The following MRPS9 variants were observed in gnomAD, a reference collection of about 807,000 sequenced individuals.
The protein encoded by MRPS9 is mitochondrial ribosomal protein S9.
Under a neutral mutation model 59.9 loss-of-function variants are expected in MRPS9, and 45 were observed. The ratio of observed to expected loss-of-function variants is 0.75; its 90% CI spans 0.59 to 0.96. The LOEUF (loss-of-function observed/expected upper bound fraction) is 0.96. MRPS9 is among the 40% of genes least tolerant of loss of function. The pLI is 0.00. For synonymous variants in MRPS9, 171 were observed against 166.8 expected (o/e 1.03, Z -0.19); for missense variants, 473 against 481.1 (o/e 0.98, Z 0.16).
intron 1 of MRPS9, among the ~76,000 whole-genome samples, chr2:105,044,445 G>C (rs1315160350): frequency 6.6e-6 from 1 of 152,124 alleles, no homozygotes; most frequent in Non-Finnish European, 1.5e-5. Flanking sequence ...TCCTGCTACT[G>C]ATGCTGTGAT....
intron 2 of MRPS9, among the ~76,000 whole-genome samples, chr2:105,061,939 T>C (rs1406468287): frequency 6.6e-6 from 1 of 152,140 alleles, no homozygotes; most frequent in Non-Finnish European, 1.5e-5. Context: ...TTGTCACAAC[T>C]TGATATTTAT....
intron 1 of MRPS9, among the ~76,000 whole-genome samples, chr2:105,042,443 ACAG>A (rs1204693063): frequency 6.6e-6 from 1 of 152,242 alleles, no homozygotes; most frequent in Non-Finnish European, 1.5e-5. Flanking sequence ...AGAGAGAAGA[ACAG>A]CAGGTGGCAG....
intron 4 of MRPS9, among the ~76,000 whole-genome samples, chr2:105,077,781 AAAATT>A (rs147257988): frequency 0.039 from 5,980 of 152,296 alleles, 413 homozygotes; most frequent in African/African-American, 0.14. Flanking sequence ...ATTTATATAG[AAAATT>A]ATGATAACTC....
At chr2:105,045,952 G>A in intron 1 of MRPS9, among the ~76,000 whole-genome samples, 1 of 151,922 alleles carries the variant, frequency 6.6e-6, no homozygotes, top group East Asian at 1.9e-4. Flanking sequence ...GCAACCTCCG[G>A]CTCCCCGGTT....
At chr2:105,090,093 G>A in intron 7 of MRPS9, 98 bp downstream of exon 7, 1 of 575,246 alleles carries the variant, frequency 1.7e-6, no homozygotes, top group South Asian at 3.5e-5. Flanking sequence ...CTCAGAGGCA[G>A]GTGTTCCTAC....
chr2:105,050,230 A>G (rs923092542), intron 2 of MRPS9, among the ~76,000 whole-genome samples: 2 of 151,864 alleles, frequency 1.3e-5, no homozygotes, highest in Non-Finnish European at 2.9e-5. Flanking sequence ...ACCTCTGCCT[A>G]CTGGCTTCAA....
At position 105,097,204 on chromosome 2, in the gene MRPS9, G is replaced by A. The variant is rs763870949; in HGVS notation, c.979G>A (p.Asp327Asn). The A allele has an allele frequency of 2.2e-5, 36 of 1,606,650 alleles. No individual in the cohort carries two copies. The highest frequency in any genetic ancestry group is 2.7e-5 in the Non-Finnish European group (32 of 1,176,886). ...CTTTGTTGACCGGCTGGGAAAGCAC[G>A]ACGTGACCTGCACAGTCTCAGGGGG... is the stretch of plus-strand genomic sequence containing the variant. ...FHFVDRLGKH[D>N]VTCTVSGGGR... Residue 327 changes from aspartate (D) to asparagine (N), a missense_variant, in exon 10 of 11, where the codon GAC (aspartate) becomes AAC (asparagine). By Grantham distance (23) the Asp-to-Asn change is conservative. Transcript: ENST00000258455.
chr2:105,056,307 G>A (rs1468090940), intron 2 of MRPS9, among the ~76,000 whole-genome samples: 1 of 150,792 alleles, frequency 6.6e-6, no homozygotes, highest in African/African-American at 2.4e-5. Flanking sequence ...ACCTTATTTA[G>A]TAGGATATAG....
At chr2:105,038,401 C>G in intron 1 of MRPS9, 174 bp downstream of exon 1, 1 of 773,164 alleles carries the variant, frequency 1.3e-6, no homozygotes, top group Non-Finnish European at 2.0e-6. Flanking sequence ...GTGCAGTAGC[C>G]GCTCTAGAGG....
intron 2 of MRPS9, among the ~76,000 whole-genome samples, chr2:105,061,608 A>C (rs1367907524): frequency 6.6e-6 from 1 of 152,192 alleles, no homozygotes; most frequent in Non-Finnish European, 1.5e-5. Context: ...CAGCAGGTTT[A>C]GAGAGAAAGG....
rs567986026 is a variant in MRPS9 at position 105,097,062 on chromosome 2, T to C, written c.930-93T>C. On this transcript the variant is annotated intron_variant, in intron 9 of 10. Coordinates refer to ENST00000258455, the MANE Select transcript of MRPS9 (RefSeq NM_182640.3). ...AAAAGTATAACAGTGGCATGCAGAA[T>C]ATTGTTTTTATGAATATTCAGAATT... 2.7e-4 allele frequency: 346 copies of C among 1,297,890 alleles called. 2 individuals carry two copies. The South Asian group carries it at 6.5e-3, about 25-fold the overall frequency. The allele number at this position is 1,297,890 out of a possible 1,614,324, so 80.4% of individuals were successfully genotyped here.
chr2:105,083,345 G>A (rs1680385240), intron 5 of MRPS9, among the ~76,000 whole-genome samples: 1 of 152,118 alleles, frequency 6.6e-6, no homozygotes, highest in Non-Finnish European at 1.5e-5. Flanking sequence ...GTCCAAGGCT[G>A]TAAACCCCAC....
intron 7 of MRPS9, 87 bp downstream of exon 7, chr2:105,090,082 C>A: frequency 1.6e-6 from 1 of 634,372 alleles, no homozygotes; most frequent in Non-Finnish European, 2.6e-6. Context: ...TAGTAATGTT[C>A]CTCAGAGGCA....
chr2:105,059,009 A>T (rs143925644), intron 2 of MRPS9, among the ~76,000 whole-genome samples: 126 of 151,018 alleles, frequency 8.3e-4, no homozygotes, highest in African/African-American at 2.7e-3. Flanking sequence ...TTCTGTACTT[A>T]CTAAATATAT....
At chr2:105,049,478 A>T in intron 2 of MRPS9, 128 bp downstream of exon 2, 1 of 769,648 alleles carries the variant, frequency 1.3e-6, no homozygotes, top group South Asian at 1.9e-5. Flanking sequence ...ATGCTGCTAT[A>T]CATTGTTTAA....
At chr2:105,053,895 A>C (rs1558752086) in intron 2 of MRPS9, among the ~76,000 whole-genome samples, 1 of 152,230 alleles carries the variant, frequency 6.6e-6, no homozygotes, top group Non-Finnish European at 1.5e-5. Flanking sequence ...ATCATGAATT[A>C]ATAGGAAAAA....
intron 4 of MRPS9, among the ~76,000 whole-genome samples, chr2:105,077,102 G>A (rs916967344): frequency 4.0e-5 from 6 of 151,890 alleles, no homozygotes; most frequent in Admixed American, 1.3e-4. Context: ...CAAAATAGCC[G>A]GGCGTGGTGG....
Position 105,090,009 on chromosome 2 carries a change from C to T in MRPS9, c.651+14C>T. 2 of 1,504,452 alleles carry T rather than the reference C, an allele frequency of 1.3e-6. No individual in the cohort carries two copies. The highest frequency in any genetic ancestry group is 1.8e-6 in the Non-Finnish European group (2 of 1,088,320). 93.2% of individuals were successfully genotyped at this position (1,504,452 alleles called of 1,614,324 possible). ...TCAGATCTAGATGTGAGTAATTAAT[C>T]TTTTTAATTTAAGGGGACCTATGCA... On this transcript the variant is annotated intron_variant, in intron 7 of 10. Transcript: ENST00000258455.
intron 2 of MRPS9, among the ~76,000 whole-genome samples, chr2:105,067,739 AGTGT>A (rs113470512): frequency 6.7e-6 from 1 of 148,394 alleles, no homozygotes; most frequent in Non-Finnish European, 1.5e-5. Flanking sequence ...CCTTCTCCTG[AGTGT>A]GTGTGTGTGT....
Sources: allele counts gnomAD v4.1 joint callset (sites outside exome capture counted in the v4.1 genomes callset), GRCh38; gene constraint gnomAD v4.1.1; transcripts MANE v1.5; gene names NCBI Gene and HGNC (gene_info 2026-07-23, HGNC 2026-07-21).